Variants in ST8SIA6 observed in about 807,000 individuals in gnomAD.
ST8SIA6 encodes alpha-2,8-sialyltransferase 8F.
Under a neutral mutation model 33.6 loss-of-function variants are expected in ST8SIA6, and 39 were observed. That is an observed-to-expected ratio of 1.16 (90% CI 0.90 to 1.52). ST8SIA6 has a LOEUF of 1.52. ST8SIA6 is among the 40% of genes most tolerant of loss of function. The probability of loss-of-function intolerance (pLI) is 0.00; values close to 1 mark genes in which losing one functional copy is unlikely to be tolerated. For synonymous variants in ST8SIA6, 172 were observed against 167.2 expected, an observed-to-expected ratio of 1.03 and a Z score of -0.22; for missense variants, 441 against 443.8, an observed-to-expected ratio of 0.99 and a Z score of 0.06.
intron 3 of ST8SIA6, among the ~76,000 whole-genome samples, chr10:17,387,456 G>T (rs973817398): frequency 2.2e-5 from 3 of 138,104 alleles, no homozygotes; most frequent in African/African-American, 7.8e-5. Flanking sequence ...GCGGGGGGGG[G>T]GGGGTTCTCC....
chr10:17,329,374 C>T (rs190859819), intron 5 of ST8SIA6, among the ~76,000 whole-genome samples: 44 of 152,174 alleles, frequency 2.9e-4, no homozygotes, highest in African/African-American at 9.2e-4. Flanking sequence ...TACACATTAT[C>T]GTTTCTTACA....
chr10:17,408,752 TTTTA>T (rs949491998), intron 2 of ST8SIA6, among the ~76,000 whole-genome samples: 1 of 152,050 alleles, frequency 6.6e-6, no homozygotes, highest in South Asian at 2.1e-4. Flanking sequence ...TATTTTTTAT[TTTTA>T]TTTATTTATT....
chr10:17,380,741 GTGTGTGTATGTGTTCATGTT>G lies in ST8SIA6; in HGVS notation c.290+9770_290+9789del, dbSNP rs770790706. On this transcript the variant is annotated intron_variant, in intron 3 of 7. Coordinates refer to ENST00000377602, the MANE Select transcript of ST8SIA6 (RefSeq NM_001004470.3). Reference sequence around the variant, plus strand: ...ATGAAAAGGCTAACAGCCAAGATGTGTGTGTGTATGTGTTCATGTTTGTGTGTATGTGTTCATGTTTGTGT... The same window carrying G: ...ATGAAAAGGCTAACAGCCAAGATGTGTGTGTGTATGTGTTCATGTTTGTGT... Among the ~76,000 whole-genome samples, 420 of 149,564 alleles carry G rather than the reference GTGTGTGTATGTGTTCATGTT, an allele frequency of 2.8e-3. 4 individuals are homozygous for G. The highest frequency in any genetic ancestry group is 5.8e-3 in the South Asian group (27 of 4,684).
chr10:17,363,336 C>T (rs1310447423), intron 3 of ST8SIA6, among the ~76,000 whole-genome samples: 1 of 151,928 alleles, frequency 6.6e-6, no homozygotes, highest in Non-Finnish European at 1.5e-5. Context: ...CCCCTTTTTC[C>T]ATGAGTAACG....
At chr10:17,364,785 A>G (rs186193460) in intron 3 of ST8SIA6, among the ~76,000 whole-genome samples, 26 of 152,352 alleles carry the variant, frequency 1.7e-4, no homozygotes, top group Non-Finnish European at 2.8e-4. Context: ...GTTAAGTAAA[A>G]TGTTCTAAAT....
intron 5 of ST8SIA6, among the ~76,000 whole-genome samples, chr10:17,330,761 T>C (rs1236026720): frequency 1.3e-5 from 2 of 152,228 alleles, no homozygotes; most frequent in African/African-American, 2.4e-5. Flanking sequence ...ATGAGATGTT[T>C]ATGTTCCTCA....
intron 3 of ST8SIA6, among the ~76,000 whole-genome samples, chr10:17,360,211 CA>C (rs1849335523): frequency 6.6e-6 from 1 of 152,134 alleles, no homozygotes; most frequent in Non-Finnish European, 1.5e-5. Context: ...ATTTCTAAAG[CA>C]CAGAATATCC....
In ST8SIA6 at chr10:17,315,495, A is replaced by G. The variant is rs1287348494; in HGVS notation, c.*5383T>C. On this transcript the variant is annotated 3_prime_UTR_variant, in exon 8 of 8. Coordinates refer to ENST00000377602, the MANE Select transcript of ST8SIA6 (RefSeq NM_001004470.3). The stretch of plus-strand genomic sequence containing the variant: ...AAAATGTTCATCAACAAATGAGCAG[A>G]TAAGCCAACTGTGGTCCATCCATAT... Among the ~76,000 whole-genome samples the G allele has an allele frequency of 6.6e-6, 1 of 152,074 alleles. No homozygotes were observed. Among genetic ancestry groups the G allele is most frequent in the Non-Finnish European group, 1.5e-5 (1 of 67,900 alleles).
chr10:17,357,729 C>A (rs1042674894), intron 4 of ST8SIA6, among the ~76,000 whole-genome samples: 1 of 152,138 alleles, frequency 6.6e-6, no homozygotes, highest in Non-Finnish European at 1.5e-5. Context: ...TTTCATTACT[C>A]TCAAGAGGCT....
intron 3 of ST8SIA6, among the ~76,000 whole-genome samples, chr10:17,375,516 T>G (rs944881660): frequency 3.3e-5 from 5 of 152,200 alleles, no homozygotes; most frequent in Admixed American, 6.5e-5. Context: ...AGTAGCAACT[T>G]TATGCCACCC....
At chr10:17,375,380 A>C (rs1048622000) in intron 3 of ST8SIA6, among the ~76,000 whole-genome samples, 12 of 152,146 alleles carry the variant, frequency 7.9e-5, no homozygotes, top group African/African-American at 2.9e-4. Flanking sequence ...ATCGGCCATA[A>C]TTTATGCCTT....
intron 2 of ST8SIA6, among the ~76,000 whole-genome samples, chr10:17,424,451 T>C (rs1851871817): frequency 6.6e-6 from 1 of 152,154 alleles, no homozygotes. Context: ...ACAGACACCA[T>C]ATTTCAATCC....
At chr10:17,448,610 CTTG>C (rs76416073) in intron 2 of ST8SIA6, among the ~76,000 whole-genome samples, 17 of 120,380 alleles carry the variant, frequency 1.4e-4, no homozygotes, top group South Asian at 9.8e-4. Flanking sequence ...TGTTGTTGTT[CTTG>C]TTGTTGTTGT....
At chr10:17,428,560 G>C (rs938191832) in intron 2 of ST8SIA6, among the ~76,000 whole-genome samples, 1 of 151,988 alleles carries the variant, frequency 6.6e-6, no homozygotes, top group Non-Finnish European at 1.5e-5. Flanking sequence ...GAGAGGAGAG[G>C]CCGTTGGAAG....
In ST8SIA6 at chr10:17,321,002, T is replaced by TGA. The variant is rs1191300654; in HGVS notation, c.1071_1072dup (p.His358LeufsTer28). 6.2e-7 allele frequency: 1 copy of TGA among 1,614,096 alleles called. No homozygotes were observed. Among genetic ancestry groups the TGA allele is most frequent in the Admixed American group, 1.7e-5 (1 of 60,006 alleles). On this transcript the variant is annotated frameshift_variant, in exon 8 of 8. Transcript: ENST00000377602. LOFTEE classifies it high-confidence loss of function. ...TTTAGGTAGCTTGTTGTCATAATAG[T>TGA]GATGGCTGACAGGTATGTCTTCTAC...
intron 3 of ST8SIA6, among the ~76,000 whole-genome samples, chr10:17,378,503 C>T (rs969294408): frequency 3.3e-5 from 5 of 152,298 alleles, no homozygotes; most frequent in Admixed American, 2.0e-4. Context: ...TCCCATTCTA[C>T]TTTTCCTGCA....
At chr10:17,332,340 C>T (rs1463707942) in intron 4 of ST8SIA6, among the ~76,000 whole-genome samples, 2 of 152,176 alleles carry the variant, frequency 1.3e-5, no homozygotes, top group East Asian at 3.8e-4. Context: ...AATGGTATTT[C>T]TGGTTCTAGA....
chr10:17,405,491 ATC>A (rs1851222831), intron 2 of ST8SIA6, among the ~76,000 whole-genome samples: 1 of 151,462 alleles, frequency 6.6e-6, no homozygotes, highest in Non-Finnish European at 1.5e-5. Flanking sequence ...ACATATTTGA[ATC>A]AAATAAACAA....
intron 2 of ST8SIA6, among the ~76,000 whole-genome samples, chr10:17,397,108 C>T (rs1369880315): frequency 6.6e-6 from 1 of 152,168 alleles, no homozygotes; most frequent in Non-Finnish European, 1.5e-5. Context: ...TTCCCCCATA[C>T]ACTGCCTCCA....
Sources: allele counts gnomAD v4.1 joint callset (sites outside exome capture counted in the v4.1 genomes callset), GRCh38; gene constraint gnomAD v4.1.1; transcripts MANE v1.5; gene names NCBI Gene and HGNC (gene_info 2026-07-23, HGNC 2026-07-21).